Variants in BPIFB2 observed in about 807,000 individuals in gnomAD.
BPIFB2 encodes BPI fold containing family B member 2.
A neutral mutation model predicts 50.1 loss-of-function variants in BPIFB2; 39 were observed. That is an observed-to-expected ratio of 0.78 (90% CI 0.60 to 1.02). The LOEUF (loss-of-function observed/expected upper bound fraction) is 1.02. Among genes scored for constraint, BPIFB2 ranks in the 50% least tolerant of loss-of-function variants. The probability of loss-of-function intolerance (pLI) is 0.00; values close to 1 mark genes in which losing one functional copy is unlikely to be tolerated. For synonymous variants in BPIFB2, 280 were observed against 256.3 expected, an observed-to-expected ratio of 1.09 and a Z score of -0.88; for missense variants, 574 against 585.8, an observed-to-expected ratio of 0.98 and a Z score of 0.21.
intron 5 of BPIFB2, 54 bp from the exon 6 acceptor site, chr20:33,015,382 A>G: frequency 6.6e-7 from 1 of 1,515,382 alleles, no homozygotes; most frequent in African/African-American, 1.4e-5. Flanking sequence ...GTGCTGAGTG[A>G]CGGGACTTAA....
At position 33,011,942 on chromosome 20, in the gene BPIFB2, G is replaced by T. The variant is rs6057699; in HGVS notation, c.203+825G>T. Reference sequence around the variant, plus strand: ...TGCAGTGAGCCAAGATTGTGCCATTGTACTCCAGCCTGGACGACAAGAATG... The same window carrying T: ...TGCAGTGAGCCAAGATTGTGCCATTTTACTCCAGCCTGGACGACAAGAATG... On this transcript the variant is annotated intron_variant, in intron 3 of 15. Transcript: ENST00000170150. Among the ~76,000 whole-genome samples, 1,240 of 152,268 alleles carry T rather than the reference G, an allele frequency of 8.1e-3. 16 individuals are homozygous for T. Among genetic ancestry groups the T allele is most frequent in the African/African-American group, 0.028 (1,171 of 41,540 alleles).
At chr20:33,010,655 G>A (rs1227938794) in intron 2 of BPIFB2, among the ~76,000 whole-genome samples, 3 of 152,004 alleles carry the variant, frequency 2.0e-5, no homozygotes, top group Non-Finnish European at 4.4e-5. Flanking sequence ...AGCAGGCCAG[G>A]GATGACTGGG....
At chr20:33,021,253 G>T (rs1467895059) in intron 13 of BPIFB2, 28 bp from the exon 14 acceptor site, 1 of 1,612,966 alleles carries the variant, frequency 6.2e-7, no homozygotes, top group East Asian at 2.2e-5. Context: ...GCTGGGACGG[G>T]CCCATCTCCC....
chr20:33,008,431 A>C, intron 1 of BPIFB2, 110 bp from the exon 2 acceptor site: 1 of 585,572 alleles, frequency 1.7e-6, no homozygotes, highest in Non-Finnish European at 3.0e-6. Flanking sequence ...GGCCTGGGGC[A>C]GGGCTGGGAT....
chr20:33,008,373 G>A (rs1713853290), intron 1 of BPIFB2, among the ~76,000 whole-genome samples, 168 bp from the exon 2 acceptor site: 1 of 152,232 alleles, frequency 6.6e-6, no homozygotes, highest in Non-Finnish European at 1.5e-5. Context: ...AAGCAAGCAA[G>A]GCAAGGTGAT....
At position 33,008,611 on chromosome 20, in the gene BPIFB2, CTG is replaced by C. The variant is rs1990242442; in HGVS notation, c.38_39del (p.Leu13ProfsTer26). On this transcript the variant is annotated frameshift_variant, in exon 2 of 16. Coordinates refer to ENST00000170150, the MANE Select transcript of BPIFB2 (RefSeq NM_025227.3). LOFTEE classifies it high-confidence loss of function. The part of the protein sequence containing the change: ...WASRLGLLLA[L>X]LLPVVGASTP... ...AAGTAGGCTGGGCCTGCTGCTGGCA[CTG>C]CTGCTGCCCGTGGTCGGTGCCTCCA... is the stretch of plus-strand genomic sequence containing the variant. 6.2e-7 allele frequency: 1 copy of C among 1,604,750 alleles called. No individual in the cohort carries two copies. The highest frequency in any genetic ancestry group is 1.3e-5 in the African/African-American group (1 of 74,736).
chr20:33,013,943 G>A lies in BPIFB2; in HGVS notation c.442G>A (p.Asp148Asn). Reference protein sequence around the residue: ...SLFSGHANEFDGSNSTSHALL... With the variant: ...SLFSGHANEFNGSNSTSHALL... ...ATTCTCGGGCCACGCCAACGAGTTT[G>A]ATGGCAGTAACAGGTGGGTGCCTGG... is the stretch of plus-strand genomic sequence containing the variant. Residue 148 changes from aspartate (D) to asparagine (N), a missense_variant, in exon 5 of 16, where the codon GAT becomes AAT. By Grantham distance (23) the Asp-to-Asn change is conservative. Transcript: ENST00000170150. 6.2e-7 allele frequency: 1 copy of A among 1,613,680 alleles called. No individual in the cohort carries two copies.
At chr20:33,019,772 G>T in intron 11 of BPIFB2, 22 bp downstream of exon 11, 1 of 1,560,066 alleles carries the variant, frequency 6.4e-7, no homozygotes. Context: ...GGGGCTGGTC[G>T]GAAGGCAGGC....
chr20:33,015,876 T>C (rs1225744958), intron 6 of BPIFB2, among the ~76,000 whole-genome samples: 1 of 152,152 alleles, frequency 6.6e-6, no homozygotes, highest in Non-Finnish European at 1.5e-5. Context: ...CCTGGTCCTT[T>C]CCAGATGTGC....
chr20:33,020,627 G>T (rs1333861700), intron 13 of BPIFB2, 40 bp downstream of exon 13: 1 of 1,556,836 alleles, frequency 6.4e-7, no homozygotes, highest in Non-Finnish European at 8.7e-7. Flanking sequence ...CCCCGTCCTG[G>T]GTAGGGCACA....
In BPIFB2 at chr20:33,023,397, G is replaced by A. The variant is rs369479360; in HGVS notation, c.*14G>A. The stretch of plus-strand genomic sequence containing the variant: ...TACCAGAGCTGAGGCAAGACCACTG[G>A]GAGGCCTGAGAGTGGGCCAGCTCGC... On this transcript the variant is annotated 3_prime_UTR_variant, in exon 16 of 16. Transcript: ENST00000170150. 1.1e-4 allele frequency: 178 copies of A among 1,613,442 alleles called. No homozygotes were observed. Among genetic ancestry groups the A allele is most frequent in the Non-Finnish European group, 1.2e-4 (141 of 1,179,556 alleles).
At position 33,023,613 on chromosome 20, in the gene BPIFB2, T is replaced by C; in HGVS notation, c.*230T>C. 3.3e-6 allele frequency: 2 copies of C among 597,954 alleles called. No homozygotes were observed. The highest frequency in any genetic ancestry group is 6.0e-6 in the Non-Finnish European group (2 of 331,644). 37.0% of individuals were successfully genotyped at this position (597,954 alleles called of 1,614,324 possible). A position where few individuals can be genotyped will look rare whatever the true frequency, so the allele number is the denominator to read the frequency against. On this transcript the variant is annotated 3_prime_UTR_variant, in exon 16 of 16. Coordinates refer to ENST00000170150, the MANE Select transcript of BPIFB2 (RefSeq NM_025227.3). ...CCCTCTTCCCTCATCTCCCCCCTCC[T>C]TCCTCTGCCCCACCCCAGCGGGGAG...
chr20:33,018,684 C>T lies in BPIFB2; in HGVS notation c.717C>T (p.Ala239=). 6.2e-7 allele frequency: 1 copy of T among 1,614,180 alleles called. No homozygotes were observed. Among genetic ancestry groups the T allele is most frequent in the Non-Finnish European group, 8.5e-7 (1 of 1,180,018 alleles). The change falls in exon 9 of 16, where the codon GCC becomes GCT. Residue 239 remains alanine (A), a synonymous_variant. Coordinates refer to ENST00000170150, the MANE Select transcript of BPIFB2 (RefSeq NM_025227.3). ...LGKPIILPTD[A]TPFVLPRHVG... is the part of the protein sequence containing the mutation. The stretch of plus-strand genomic sequence containing the variant: ...AGCCCATCATCCTGCCCACGGATGC[C>T]ACCCCTTTTGTGTTGCCAAGGCATG...
chr20:33,020,674 C>T, intron 13 of BPIFB2, 87 bp downstream of exon 13: 1 of 1,431,640 alleles, frequency 7.0e-7, no homozygotes, highest in Non-Finnish European at 9.4e-7. Context: ...TGTACATGTG[C>T]TGACCCGTGT....
At position 33,008,626 on chromosome 20, in the gene BPIFB2, G is replaced by A. The variant is rs143951523; in HGVS notation, c.52G>A (p.Val18Ile). 48 of 1,607,726 alleles carry A rather than the reference G, an allele frequency of 3.0e-5. No individual in the cohort carries two copies. Among genetic ancestry groups the A allele is most frequent in the Middle Eastern group, 1.7e-4 (1 of 6,050 alleles). The change falls in exon 2 of 16, where the codon GTC becomes ATC. Residue 18 changes from valine (V) to isoleucine (I), a missense_variant. Physicochemically the swap from Val to Ile is conservative, Grantham distance 29. Transcript: ENST00000170150. ...GCTGCTGGCACTGCTGCTGCCCGTG[G>A]TCGGTGCCTCCACGCCAGGCACCGT... ...GLLLALLLPV[V>I]GASTPGTVVR...
intron 5 of BPIFB2, among the ~76,000 whole-genome samples, chr20:33,014,237 T>C (rs1990326972): frequency 6.6e-6 from 1 of 152,148 alleles, no homozygotes; most frequent in African/African-American, 2.4e-5. Flanking sequence ...GGGAGGGATT[T>C]TGGGTGGATC....
chr20:33,013,276 G>A (rs1990313929), intron 4 of BPIFB2, among the ~76,000 whole-genome samples: 1 of 152,186 alleles, frequency 6.6e-6, no homozygotes, highest in South Asian at 2.1e-4. Flanking sequence ...CGCTCAATAA[G>A]CATAACGATC....
In BPIFB2 at chr20:33,008,651, T is replaced by C. The variant is rs1488743360; in HGVS notation, c.77T>C (p.Val26Ala). 1 of 1,607,472 alleles carries C rather than the reference T, an allele frequency of 6.2e-7. No individual in the cohort carries two copies. The highest frequency in any genetic ancestry group is 8.5e-7 in the Non-Finnish European group (1 of 1,176,990). ...GTCGGTGCCTCCACGCCAGGCACCG[T>C]GGTCCGACTCAACAAGGCAGCATTG... ...PVVGASTPGT[V>A]VRLNKAALSY... The change falls in exon 2 of 16, where the codon GTG becomes GCG. Residue 26 changes from valine to alanine, a missense_variant. Val to Ala is a moderately conservative substitution (Grantham distance 64, BLOSUM62 0). Transcript: ENST00000170150.
intron 4 of BPIFB2, 87 bp from the exon 5 acceptor site, chr20:33,013,723 G>C: frequency 6.6e-7 from 1 of 1,518,856 alleles, no homozygotes; most frequent in African/African-American, 1.4e-5. Flanking sequence ...GGGCAGGCAG[G>C]GGCTGGGGAA....
Sources: allele counts gnomAD v4.1 joint callset (sites outside exome capture counted in the v4.1 genomes callset), GRCh38; gene constraint gnomAD v4.1.1; transcripts MANE v1.5; gene names NCBI Gene and HGNC (gene_info 2026-07-23, HGNC 2026-07-21).